The following TENT5D variants were observed in gnomAD, a reference collection of about 807,000 sequenced individuals.
The protein encoded by TENT5D is terminal nucleotidyltransferase 5D, also known as cancer/testis antigen 112.
For synonymous variants in TENT5D, 103 were observed against 100.6 expected, an observed-to-expected ratio of 1.02 and a Z score of -0.15; for missense variants, 191 against 287.0, an observed-to-expected ratio of 0.67 and a Z score of 2.42.
intron 1 of TENT5D, among the ~76,000 whole-genome samples, chrX:80,429,663 C>T (rs1300019870): frequency 9.0e-6 from 1 of 110,939 alleles, no homozygotes; most frequent in Admixed American, 9.6e-5. Context: ...TTTTCTTGTG[C>T]TTCCCCTCTT....
intron 3 of TENT5D, among the ~76,000 whole-genome samples, chrX:80,379,117 T>G (rs1163909167): frequency 9.8e-6 from 1 of 102,457 alleles, no homozygotes; most frequent in Non-Finnish European, 2.0e-5. Context: ...TGCATTCTCT[T>G]GCAGAAAAGG....
intron 3 of TENT5D, among the ~76,000 whole-genome samples, chrX:80,375,815 G>T (rs1930713808): frequency 9.0e-6 from 1 of 111,638 alleles, no homozygotes; most frequent in Non-Finnish European, 1.9e-5. Context: ...AGCCTACAGA[G>T]TTCTGATAAA....
intron 3 of TENT5D, among the ~76,000 whole-genome samples, chrX:80,367,380 C>T (rs767194782): frequency 2.0e-4 from 22 of 111,352 alleles, no homozygotes; most frequent in African/African-American, 6.8e-4. Flanking sequence ...AGGGAACATT[C>T]GTACACTGTG....
At chrX:80,410,512 A>G (rs1195518972) in intron 3 of TENT5D, among the ~76,000 whole-genome samples, 1 of 96,578 alleles carries the variant, frequency 1.0e-5, no homozygotes, top group Non-Finnish European at 2.1e-5. Context: ...ATCACTGGCC[A>G]TCAGAGAAAT....
chrX:80,398,977 A>G (rs1020965056), intron 3 of TENT5D, among the ~76,000 whole-genome samples: 10 of 112,159 alleles, frequency 8.9e-5, no homozygotes, highest in African/African-American at 1.9e-4. Context: ...TTTTCATTCT[A>G]TAGTGTTAAG....
chrX:80,370,513 G>A (rs1930604534), intron 3 of TENT5D, among the ~76,000 whole-genome samples: 1 of 111,398 alleles, frequency 9.0e-6, no homozygotes, highest in African/African-American at 3.3e-5. Context: ...TCACAATTTG[G>A]ATCATATTAT....
intron 3 of TENT5D, among the ~76,000 whole-genome samples, chrX:80,366,805 G>A (rs932620183): frequency 1.6e-4 from 18 of 111,153 alleles, no homozygotes; most frequent in Non-Finnish European, 3.2e-4. Context: ...AGATTAAAGA[G>A]CAGTTATGTT....
chrX:80,440,532 A>G (rs1329455988), intron 2 of TENT5D, among the ~76,000 whole-genome samples: 2 of 110,633 alleles, frequency 1.8e-5, no homozygotes, highest in Non-Finnish European at 3.8e-5. Flanking sequence ...TGTTTGGGAA[A>G]GAATTTCGTA....
At chrX:80,437,818 C>G (rs919318384) in intron 1 of TENT5D, among the ~76,000 whole-genome samples, 2 of 111,001 alleles carry the variant, frequency 1.8e-5, no homozygotes, top group African/African-American at 3.3e-5. Context: ...AGACCAAAAT[C>G]TTGTTGTTTG....
At chrX:80,418,378 C>G (rs1019708241), upstream of TENT5D, among the ~76,000 whole-genome samples, 4 of 111,266 alleles carry the variant, frequency 3.6e-5, no homozygotes, top group Non-Finnish European at 7.5e-5. Context: ...TCTCAAACTC[C>G]TGGCCTCAAC....
At chrX:80,357,888 G>A (rs1037652813) in intron 3 of TENT5D, among the ~76,000 whole-genome samples, 9 of 111,574 alleles carry the variant, frequency 8.1e-5, no homozygotes, top group Non-Finnish European at 1.1e-4. Context: ...CAACGCTGGA[G>A]GCATCACGCT....
intron 1 of TENT5D, among the ~76,000 whole-genome samples, chrX:80,433,424 A>C (rs1932125056): frequency 8.9e-6 from 1 of 112,440 alleles, no homozygotes; most frequent in African/African-American, 3.2e-5. Context: ...TGATTTACTT[A>C]GAACAGTGTA....
chrX:80,444,188 G>A (rs1932343788), exon 3 of TENT5D: 1 of 123,332 alleles, frequency 8.1e-6, no homozygotes, highest in African/African-American at 3.3e-5. Context: ...TAAATGTTCA[G>A]TACTTAACAG....
At chrX:80,430,796 G>C (rs1029620740) in intron 1 of TENT5D, among the ~76,000 whole-genome samples, 2 of 111,224 alleles carry the variant, frequency 1.8e-5, no homozygotes, top group South Asian at 7.7e-4. Flanking sequence ...AATACAGACT[G>C]CAGATGGTTT....
chrX:80,372,669 T>C (rs1602507521), intron 3 of TENT5D, among the ~76,000 whole-genome samples: 1 of 110,401 alleles, frequency 9.1e-6, no homozygotes, highest in Admixed American at 9.7e-5. Context: ...TGCAGATCAC[T>C]TGAGGTCAGG....
intron 3 of TENT5D, among the ~76,000 whole-genome samples, chrX:80,404,451 C>T (rs1274059520): frequency 1.8e-5 from 2 of 111,439 alleles, no homozygotes; most frequent in Non-Finnish European, 3.8e-5. Context: ...GTTAATGCTC[C>T]GAGAAAACCT....
chrX:80,423,324 T>G (rs1206915555), intron 1 of TENT5D, among the ~76,000 whole-genome samples: 1 of 111,756 alleles, frequency 8.9e-6, no homozygotes, highest in African/African-American at 3.2e-5. Flanking sequence ...AGTTTTTTTT[T>G]TATATTTAAG....
At chrX:80,405,888 C>T (rs763741919) in intron 3 of TENT5D, among the ~76,000 whole-genome samples, 2 of 110,571 alleles carry the variant, frequency 1.8e-5, no homozygotes, top group African/African-American at 3.3e-5. Flanking sequence ...TCTCCCAGCA[C>T]GCAGCTGAAG....
intron 3 of TENT5D, among the ~76,000 whole-genome samples, chrX:80,405,685 C>G (rs966300647): frequency 5.5e-5 from 6 of 109,506 alleles, no homozygotes; most frequent in African/African-American, 2.0e-4. Context: ...GGAGGGGCGC[C>G]CACCATTGCC....
Sources: allele counts gnomAD v4.1 joint callset (sites outside exome capture counted in the v4.1 genomes callset), GRCh38; gene constraint gnomAD v4.1.1; transcripts MANE v1.5; gene names NCBI Gene and HGNC (gene_info 2026-07-23, HGNC 2026-07-21).